The following TBC1D16 variants were observed in gnomAD, a reference collection of about 807,000 sequenced individuals.
The protein encoded by TBC1D16 is CTD-2529O21.1.
Under a neutral mutation model 74.7 loss-of-function variants are expected in TBC1D16, and 58 were observed. That is an observed-to-expected ratio of 0.78 (90% CI 0.63 to 0.97). The LOEUF (loss-of-function observed/expected upper bound fraction) is 0.97. TBC1D16 is among the 50% of genes least tolerant of loss of function. The pLI, the probability that TBC1D16 is intolerant of heterozygous loss-of-function variation, is 0.00. For missense variants in TBC1D16, 1,014 were observed against 1,079.5 expected (o/e 0.94, Z 0.85); for synonymous variants, 493 against 474.7 (o/e 1.04, Z -0.50).
rs755415779 is a variant in TBC1D16, at chr17:79,947,759, C to T, written c.1614G>A (p.Ala538=). 3.6e-5 allele frequency: 58 copies of T among 1,613,974 alleles called. 1 individual carries two copies. In the South Asian group the frequency reaches 5.2e-4, roughly 14 times the overall value. Residue 538 remains alanine (A), a synonymous_variant, in exon 9 of 12, where the codon GCG becomes GCA. Coordinates refer to ENST00000310924, the MANE Select transcript of TBC1D16 (RefSeq NM_019020.4). ...CATCCAGGACCTCGGCCAAGATGGG[C>T]GCCACCAGGTCCGACATCCCTTGGG... is the stretch of plus-strand genomic sequence containing the variant. ...GYSQGMSDLV[A]PILAEVLDES...
intron 3 of TBC1D16, among the ~76,000 whole-genome samples, chr17:79,989,365 G>A (rs565364764): frequency 5.3e-5 from 8 of 152,318 alleles, no homozygotes; most frequent in South Asian, 2.1e-4. Flanking sequence ...CCTGGGCCTC[G>A]GGCCTGCCCT....
At position 80,027,773 on chromosome 17, in the gene TBC1D16, T is replaced by G. The variant is rs370500147; in HGVS notation, c.-63+8022A>C. ...TGGGCATGGTGGCAGGCGCCTGTAATCCCAGCTACTTGGGAGGCTGAGGCG... is the reference window on the plus strand; with the variant it reads ...TGGGCATGGTGGCAGGCGCCTGTAAGCCCAGCTACTTGGGAGGCTGAGGCG... On this transcript the variant is annotated intron_variant, in intron 1 of 11. Transcript: ENST00000310924. Among the ~76,000 whole-genome samples, 61 of 150,598 alleles carry G rather than the reference T, an allele frequency of 4.1e-4. 1 individual carries two copies. Among genetic ancestry groups the G allele is most frequent in the African/African-American group, 1.3e-3 (54 of 40,736 alleles).
At chr17:79,973,230 A>C (rs940892913) in intron 3 of TBC1D16, among the ~76,000 whole-genome samples, 8 of 152,140 alleles carry the variant, frequency 5.3e-5, no homozygotes, top group African/African-American at 1.9e-4. Flanking sequence ...ACCTATGATA[A>C]AGTTTAATCT....
At chr17:80,018,745 C>T (rs2036186455) in intron 1 of TBC1D16, among the ~76,000 whole-genome samples, 1 of 149,290 alleles carries the variant, frequency 6.7e-6, no homozygotes, top group African/African-American at 2.6e-5. Context: ...GGACTAAAGG[C>T]ACATGCCACC....
chr17:79,966,348 T>A (rs536487898), intron 3 of TBC1D16, among the ~76,000 whole-genome samples: 1 of 152,280 alleles, frequency 6.6e-6, no homozygotes, highest in African/African-American at 2.4e-5. Context: ...CAGGTGGACA[T>A]GAATTTGAGG....
intron 3 of TBC1D16, among the ~76,000 whole-genome samples, chr17:79,997,759 C>T (rs1459309021): frequency 6.6e-6 from 1 of 152,212 alleles, no homozygotes; most frequent in Non-Finnish European, 1.5e-5. Context: ...TAGGTTCACT[C>T]TTGGTGTTGT....
chr17:80,033,471 C>G (rs1290419601), intron 1 of TBC1D16, among the ~76,000 whole-genome samples: 2 of 152,000 alleles, frequency 1.3e-5, no homozygotes, highest in African/African-American at 4.8e-5. Context: ...CTCCCGGGCT[C>G]AAGCTATCCT....
At chr17:79,977,888 G>A (rs1371919606) in intron 3 of TBC1D16, among the ~76,000 whole-genome samples, 2 of 152,244 alleles carry the variant, frequency 1.3e-5, no homozygotes, top group Non-Finnish European at 2.9e-5. Context: ...GTTCGAAGAG[G>A]CAGAGCAATA....
intron 3 of TBC1D16, among the ~76,000 whole-genome samples, chr17:79,968,721 C>T (rs1294458654): frequency 6.6e-6 from 1 of 150,846 alleles, no homozygotes; most frequent in Non-Finnish European, 1.5e-5. Flanking sequence ...GGCATTGTGG[C>T]GGGCGCCTGT....
At chr17:79,995,720 G>A (rs1232856412) in intron 3 of TBC1D16, among the ~76,000 whole-genome samples, 1 of 152,106 alleles carries the variant, frequency 6.6e-6, no homozygotes. Context: ...GGGAGGCGGA[G>A]TTTGCAGTGA....
Position 80,035,495 on chromosome 17 carries a change from G to A in TBC1D16, c.-63+300C>T, listed in dbSNP as rs1014142414. Among the ~76,000 whole-genome samples the A allele has an allele frequency of 1.1e-4, 17 of 151,978 alleles. No individual in the cohort carries two copies. Among genetic ancestry groups the A allele is most frequent in the African/African-American group, 4.8e-5 (2 of 41,448 alleles). ...CGGTCCACCGCTCCAGACAGGCGGG[G>A]ACCAGTCTCCCCGAATTAGGCCCAT... is the stretch of plus-strand genomic sequence containing the variant. On this transcript the variant is annotated intron_variant, in intron 1 of 11. Coordinates refer to ENST00000310924, the MANE Select transcript of TBC1D16 (RefSeq NM_019020.4). The surrounding 1 kb of genome is among the most constrained non-coding windows in gnomAD (Gnocchi z 5.3).
chr17:79,962,213 T>C (rs2033647663), intron 3 of TBC1D16, among the ~76,000 whole-genome samples: 1 of 132,570 alleles, frequency 7.5e-6, no homozygotes. Flanking sequence ...TTTTTTTTTT[T>C]TTTTTTTTTT....
At chr17:80,030,214 A>C (rs1489601915) in intron 1 of TBC1D16, among the ~76,000 whole-genome samples, 1 of 152,060 alleles carries the variant, frequency 6.6e-6, no homozygotes, top group African/African-American at 2.4e-5. Context: ...CAACCACACC[A>C]AACCGAGGAC....
intron 3 of TBC1D16, among the ~76,000 whole-genome samples, chr17:79,969,106 G>A (rs2144054125): frequency 6.6e-6 from 1 of 152,288 alleles, no homozygotes; most frequent in African/African-American, 2.4e-5. Context: ...GCAAATCAAG[G>A]CCGAGCGTGG....
intron 3 of TBC1D16, among the ~76,000 whole-genome samples, chr17:79,991,442 A>G (rs1382985281): frequency 1.3e-5 from 2 of 152,170 alleles, no homozygotes; most frequent in Non-Finnish European, 2.9e-5. Context: ...AGAGGCGGAA[A>G]GTCAGCAGGG....
chr17:79,945,089 T>TG lies in TBC1D16; in HGVS notation c.1729-3dup. On this transcript the variant is annotated splice_polypyrimidine_tract_variant and splice_region_variant and intron_variant, in intron 9 of 11. Transcript: ENST00000310924. ...CCGCAGCAGCTCGCGCAGGTACAGC[T>TG]GGGGGTGAGGCCGTCACGCGTTAGT... 6.3e-7 allele frequency: 1 copy of TG among 1,577,222 alleles called. No individual in the cohort carries two copies. Among genetic ancestry groups the TG allele is most frequent in the Non-Finnish European group, 8.6e-7 (1 of 1,162,720 alleles).
In TBC1D16 at chr17:79,941,255, C is replaced by T. The variant is rs768942690; in HGVS notation, c.2056-148G>A. 1.5e-5 allele frequency: 11 copies of T among 742,824 alleles called. No individual in the cohort carries two copies. The highest frequency in any genetic ancestry group is 2.8e-5 in the East Asian group (1 of 35,798). The allele number at this position is 742,824 out of a possible 1,614,324, so 46.0% of individuals were successfully genotyped here. A position where few individuals can be genotyped will look rare whatever the true frequency, so the allele number is the denominator to read the frequency against. On this transcript the variant is annotated intron_variant, in intron 11 of 11. Transcript: ENST00000310924. The surrounding 1 kb of genome is among the most constrained non-coding windows in gnomAD (Gnocchi z 4.3). ...AGTCCTGGACTGAGGGCTCTGCCTG[C>T]ATCTCCCACCATCACCGGCACCACG...
Position 79,983,782 on chromosome 17 carries a change from T to C in TBC1D16, c.779+26378A>G, listed in dbSNP as rs911117343. 6.6e-6 allele frequency among the ~76,000 whole-genome samples: 1 copy of C among 152,110 alleles called. No individual in the cohort carries two copies. Among genetic ancestry groups the C allele is most frequent in the Non-Finnish European group, 1.5e-5 (1 of 68,006 alleles). ...TAGTTCAGACACAGGGGGCGCTGGG[T>C]CACGGGGTTCATTTATGATTGTGTT... is the stretch of plus-strand genomic sequence containing the variant. On this transcript the variant is annotated intron_variant, in intron 3 of 11. Transcript: ENST00000310924. The surrounding 1 kb of genome is among the most constrained non-coding windows in gnomAD (Gnocchi z 5.6).
At position 80,000,305 on chromosome 17, in the gene TBC1D16, G is replaced by A. The variant is rs990149137; in HGVS notation, c.779+9855C>T. On this transcript the variant is annotated intron_variant, in intron 3 of 11. Transcript: ENST00000310924. This position sits in a 1 kb window ranked among gnomAD's most constrained non-coding sequence, Gnocchi z 4.1. ...AGCAGATGTCACCAAGCTAAGATGA[G>A]GTCACCCTAGATTTGAGTAGGCCCT... Among the ~76,000 whole-genome samples the A allele has an allele frequency of 6.6e-6, 1 of 152,130 alleles. No homozygotes were observed. Among genetic ancestry groups the A allele is most frequent in the African/African-American group, 2.4e-5 (1 of 41,428 alleles).
Sources: allele counts gnomAD v4.1 joint callset (sites outside exome capture counted in the v4.1 genomes callset), GRCh38; gene constraint gnomAD v4.1.1; non-coding constraint Gnocchi (gnomAD v3.1); transcripts MANE v1.5; gene names NCBI Gene and HGNC (gene_info 2026-07-23, HGNC 2026-07-21).